STK3: variants seen among roughly 807,000 people sequenced by gnomAD.
STK3 encodes serine/threonine kinase 3.
In STK3, 41 loss-of-function variants were observed where a neutral mutation model predicts 58.0. The ratio of observed to expected loss-of-function variants is 0.71; its 90% CI spans 0.55 to 0.92. STK3 has a LOEUF of 0.92. Ranked by LOEUF, STK3 falls within the 40% of genes least tolerant of loss-of-function variation. The probability of loss-of-function intolerance (pLI) is 0.00; values close to 1 mark genes in which losing one functional copy is unlikely to be tolerated. For synonymous variants in STK3, 170 were observed against 191.0 expected (o/e 0.89, Z 0.91); for missense variants, 479 against 602.7 (o/e 0.79, Z 2.15).
intron 10 of STK3, among the ~76,000 whole-genome samples, chr8:98,472,596 TA>T (rs1821006890): frequency 6.6e-6 from 1 of 152,142 alleles, no homozygotes; most frequent in Admixed American, 6.5e-5. Flanking sequence ...CTTAACTTTA[TA>T]GATGATTAAT....
At chr8:98,347,901 A>C in the STK3 span, among the ~76,000 whole-genome samples, 1 of 152,216 alleles carries the variant, frequency 6.6e-6, no homozygotes, top group African/African-American at 2.4e-5. Flanking sequence ...ATATTTTGTA[A>C]TATCAACAGA....
chr8:98,396,381 G>C (rs975774480), intron 3 of STK3, among the ~76,000 whole-genome samples: 2 of 152,194 alleles, frequency 1.3e-5, no homozygotes, highest in Non-Finnish European at 2.9e-5. Context: ...GTGTCTACTG[G>C]GAGATGGGGT....
In STK3 at chr8:98,810,920, C is replaced by T. The variant is rs151150840; in HGVS notation, c.26+14595G>A. The stretch of plus-strand genomic sequence containing the variant: ...TGGCACCTCCTCTTCTCTCTTGGTC[C>T]CTCTCTCTTCCCATGTGACACACCT... On this transcript the variant is annotated intron_variant, in intron 1 of 10. Transcript: ENST00000419617. Among the ~76,000 whole-genome samples the T allele has an allele frequency of 3.3e-3, 496 of 152,142 alleles. 1 individual carries two copies. The highest frequency in any genetic ancestry group is 0.011 in the African/African-American group (474 of 41,508).
In STK3 at chr8:98,932,546, G is replaced by T. The variant is rs565293392; in HGVS notation, c.-79+9832C>A. ...TAGGAAGCCATTGTAGGTGTTTAAT[G>T]AATCAGAGGAAAGTGATTTAAAAGG... On this transcript the variant is annotated intron_variant, in intron 1 of 1. Transcript: ENST00000519420. 7.2e-5 allele frequency among the ~76,000 whole-genome samples: 11 copies of T among 152,320 alleles called. No individual in the cohort carries two copies. In the South Asian group the frequency reaches 2.3e-3, roughly 32 times the overall value.
chr8:98,632,004 G>C (rs1251097311), intron 6 of STK3, among the ~76,000 whole-genome samples: 1 of 152,172 alleles, frequency 6.6e-6, no homozygotes, highest in Non-Finnish European at 1.5e-5. Flanking sequence ...CTACAAATAG[G>C]TACCTAAGAG....
chr8:98,530,184 CA>C (rs1350930691), intron 9 of STK3, among the ~76,000 whole-genome samples: 2 of 152,116 alleles, frequency 1.3e-5, no homozygotes, highest in Non-Finnish European at 2.9e-5. Flanking sequence ...CTTTTAAGGT[CA>C]GGGGTACATG....
chr8:98,711,255 C>G (rs1023228471), intron 4 of STK3, among the ~76,000 whole-genome samples: 2 of 152,146 alleles, frequency 1.3e-5, no homozygotes, highest in Non-Finnish European at 1.5e-5. Context: ...AACACAGCTC[C>G]TCACCAGCAA....
chr8:98,905,257 A>C, intron 1 of STK3: 1 of 839,926 alleles, frequency 1.2e-6, no homozygotes, highest in East Asian at 2.4e-5. Flanking sequence ...CTTGCCTTGA[A>C]ACTCTGTGTT....
chr8:98,791,365 G>C (rs952891675), intron 1 of STK3, among the ~76,000 whole-genome samples: 1 of 152,156 alleles, frequency 6.6e-6, no homozygotes, highest in African/African-American at 2.4e-5. Flanking sequence ...TTGATGGGTA[G>C]AATCAATATT....
chr8:98,640,259 A>T (rs577758537), intron 6 of STK3, among the ~76,000 whole-genome samples: 14 of 152,214 alleles, frequency 9.2e-5, no homozygotes, highest in African/African-American at 3.1e-4. Context: ...CATGTTGTCC[A>T]GGCTGGTCTA....
At chr8:98,631,661 T>G (rs1378836612) in intron 6 of STK3, among the ~76,000 whole-genome samples, 1 of 80,728 alleles carries the variant, frequency 1.2e-5, no homozygotes, top group South Asian at 2.9e-4. Context: ...ATAGTTTTCG[T>G]TTTTTTGTGT....
At chr8:98,418,576 T>C (rs1044653040) in intron 3 of STK3, among the ~76,000 whole-genome samples, 23 of 152,248 alleles carry the variant, frequency 1.5e-4, no homozygotes, top group Admixed American at 5.9e-4. Flanking sequence ...TGAGCACCTC[T>C]GAACTGAGGG....
intron 10 of STK3, among the ~76,000 whole-genome samples, chr8:98,523,253 AG>A (rs1166520811): frequency 1.6e-4 from 25 of 152,246 alleles, no homozygotes; most frequent in African/African-American, 5.1e-4. Context: ...ATGGGTGTGT[AG>A]TATCTTATTG....
rs188059271 is a variant in STK3 at position 98,837,010 on chromosome 8, A to G, written c.110+46637T>C. On this transcript the variant is annotated intron_variant, in intron 3 of 12. Transcript: ENST00000523601. Reference sequence around the variant, plus strand: ...TGGCATCTGGAAAACTCCATCATACACTCATGAAAGAAGGAGACTGAAAAA... The same window carrying G: ...TGGCATCTGGAAAACTCCATCATACGCTCATGAAAGAAGGAGACTGAAAAA... Among the ~76,000 whole-genome samples, 1,321 of 152,230 alleles carry G rather than the reference A, an allele frequency of 8.7e-3. 11 individuals carry two copies. The highest frequency in any genetic ancestry group is 0.03 in the African/African-American group (1,244 of 41,534).
chr8:98,887,389 A>T (rs977097984), intron 1 of STK3, among the ~76,000 whole-genome samples: 1 of 152,172 alleles, frequency 6.6e-6, no homozygotes, highest in Non-Finnish European at 1.5e-5. Context: ...ATCTGAAAAA[A>T]TCCGAAAAAA....
intron 1 of STK3, among the ~76,000 whole-genome samples, chr8:98,893,845 C>T (rs567556816): frequency 6.6e-6 from 1 of 152,264 alleles, no homozygotes; most frequent in East Asian, 1.9e-4. Flanking sequence ...GTCACCCTGG[C>T]CAATTTGACC....
At chr8:98,874,212 G>A (rs973597833) in intron 3 of STK3, among the ~76,000 whole-genome samples, 2 of 152,212 alleles carry the variant, frequency 1.3e-5, no homozygotes, top group African/African-American at 4.8e-5. Context: ...CAAGACATCC[G>A]CTGTTAGTCT....
At chr8:98,687,084 C>G (rs190993275) in intron 6 of STK3, among the ~76,000 whole-genome samples, 2 of 152,234 alleles carry the variant, frequency 1.3e-5, no homozygotes, top group East Asian at 3.9e-4. Flanking sequence ...CCAGATAACT[C>G]CTACAAGATA....
chr8:98,458,927 G>A (rs1275990380), intron 10 of STK3, among the ~76,000 whole-genome samples: 1 of 152,168 alleles, frequency 6.6e-6, no homozygotes, highest in Non-Finnish European at 1.5e-5. Flanking sequence ...TTATAGTAGT[G>A]TGAAAATGGA....
Sources: gnomAD v4.1 joint callset for allele counts (sites outside exome capture counted in the v4.1 genomes callset) on GRCh38, gnomAD v4.1.1 for gene constraint, MANE v1.5 for transcripts, NCBI Gene and HGNC (gene_info 2026-07-23, HGNC 2026-07-21) for gene names.